Variants in ERN1 observed in about 807,000 individuals in gnomAD.
ERN1 encodes endoplasmic reticulum to nucleus signaling 1.
Under a neutral mutation model 113.1 loss-of-function variants are expected in ERN1, and 39 were observed. That is an observed-to-expected ratio of 0.34 (90% CI 0.27 to 0.45). The LOEUF (loss-of-function observed/expected upper bound fraction) is 0.45. Among genes scored for constraint, ERN1 ranks in the 20% least tolerant of loss-of-function variants. The pLI is 1.00. For missense variants in ERN1, 976 were observed against 1,274.8 expected (o/e 0.77, Z 3.57); for synonymous variants, 507 against 515.9 (o/e 0.98, Z 0.23).
rs773725515 is a variant in ERN1 at position 64,098,149 on chromosome 17, T to C, written c.147A>G (p.Thr49=). The change falls in exon 2 of 22, where the codon ACA becomes ACG. Residue 49 remains threonine, a synonymous_variant. Transcript: ENST00000433197. ...DGSLHAVSKR[T]GSIKWTLKED... is the part of the protein sequence containing the mutation. ...CTTTTAAAGTCCATTTGATTGAGCC[T>C]GTCCTCTTGCTGACAGCATGCAAAC... 1.2e-6 allele frequency: 2 copies of C among 1,614,038 alleles called. No individual in the cohort carries two copies. Among genetic ancestry groups the C allele is most frequent in the South Asian group, 2.2e-5 (2 of 91,082 alleles).
At chr17:64,115,409 G>A (rs1914778242) in intron 1 of ERN1, among the ~76,000 whole-genome samples, 1 of 152,166 alleles carries the variant, frequency 6.6e-6, no homozygotes, top group Non-Finnish European at 1.5e-5. Context: ...CCCAAGGCCT[G>A]TAAAACTCCT....
chr17:64,079,757 C>A, intron 3 of ERN1, 23 bp from the exon 4 acceptor site: 2 of 1,594,004 alleles, frequency 1.3e-6, no homozygotes, highest in Non-Finnish European at 1.7e-6. Flanking sequence ...TAATAAATAT[C>A]AAAGATAAAT....
intron 17 of ERN1, 73 bp downstream of exon 17, chr17:64,052,707 T>C: frequency 7.1e-7 from 1 of 1,412,868 alleles, no homozygotes; most frequent in Non-Finnish European, 9.6e-7. Flanking sequence ...AAACCTGGAA[T>C]TTAAAGGTTC....
chr17:64,121,065 C>T (rs1470913010), intron 1 of ERN1, among the ~76,000 whole-genome samples: 8 of 152,168 alleles, frequency 5.3e-5, no homozygotes, highest in Admixed American at 4.6e-4. Flanking sequence ...GACACACTCC[C>T]AGGGGCACCT....
chr17:64,043,985 C>A lies in ERN1; in HGVS notation c.*3G>T. On this transcript the variant is annotated 3_prime_UTR_variant, in exon 22 of 22. Coordinates refer to ENST00000433197, the MANE Select transcript of ERN1 (RefSeq NM_001433.5). ...GCCACCAGAACAGAGGGGCCGCCCTCGCTCAGAGGGCGTCTGGAGTCACTG... is the reference window on the plus strand; with the variant it reads ...GCCACCAGAACAGAGGGGCCGCCCTAGCTCAGAGGGCGTCTGGAGTCACTG... The A allele has an allele frequency of 6.2e-7, 1 of 1,602,408 alleles. No homozygotes were observed. The highest frequency in any genetic ancestry group is 2.2e-5 in the East Asian group (1 of 44,742).
chr17:64,071,899 C>T, intron 6 of ERN1, 82 bp downstream of exon 6: 1 of 1,494,302 alleles, frequency 6.7e-7, no homozygotes, highest in Non-Finnish European at 9.1e-7. Flanking sequence ...GCTCTGGCCA[C>T]CTTCTAGGGA....
At chr17:64,052,172 A>G (rs1015688887) in intron 17 of ERN1, among the ~76,000 whole-genome samples, 1 of 152,338 alleles carries the variant, frequency 6.6e-6, no homozygotes, top group South Asian at 2.1e-4. Flanking sequence ...TGGGCAAAAT[A>G]GCGAGATCGC....
rs758941450 is a variant in ERN1, at chr17:64,060,581, T to C, written c.1094A>G (p.His365Arg). Residue 365 changes from histidine (H) to arginine (R), a missense_variant, in exon 11 of 22, where the codon CAT becomes CGT. Physicochemically the swap from His to Arg is conservative, Grantham distance 29. Around this residue, in one of 5 missense-constraint regions of ERN1, gnomAD observed 459 missense variants for 581.2 expected, o/e 0.79. Coordinates refer to ENST00000433197, the MANE Select transcript of ERN1 (RefSeq NM_001433.5). ...GGTAGACGCAGACAGTGGGGTTTCA[T>C]GGTGTCCTATGACAGGAAACAAAAC... ...LRNYWLLIGH[H>R]ETPLSASTKM... The C allele has an allele frequency of 6.2e-7, 1 of 1,609,538 alleles. No individual in the cohort carries two copies. The highest frequency in any genetic ancestry group is 8.5e-7 in the Non-Finnish European group (1 of 1,175,810).
rs764849592 is a variant in ERN1 at position 64,044,085 on chromosome 17, C to T, written c.2837G>A (p.Arg946Gln). The T allele has an allele frequency of 2.7e-5, 43 of 1,613,256 alleles. No homozygotes were observed. The highest frequency in any genetic ancestry group is 4.0e-5 in the African/African-American group (3 of 74,850). Residue 946 changes from arginine (R) to glutamine (Q), a missense_variant, in exon 22 of 22, where the codon CGG (arginine) becomes CAG (glutamine). Physicochemically the swap from Arg to Gln is conservative, Grantham distance 43. Around this residue, in one of 5 missense-constraint regions of ERN1, gnomAD observed 92 missense variants for 87.3 expected, o/e 1.05. Coordinates refer to ENST00000433197, the MANE Select transcript of ERN1 (RefSeq NM_001433.5). The surrounding 1 kb of genome is among the most constrained non-coding windows in gnomAD (Gnocchi z 4.1). Reference sequence around the variant, plus strand: ...CTCGTGGCTGCACAGCTCCATGGCCCGGTAGGTGTGTGCGAGGAGGTGGGG... The same window carrying T: ...CTCGTGGCTGCACAGCTCCATGGCCTGGTAGGTGTGTGCGAGGAGGTGGGG... ...RFPHLLAHTYRAMELCSHERL... is the reference protein window; with the variant it reads ...RFPHLLAHTYQAMELCSHERL...
At chr17:64,099,649 G>T (rs1914329554) in intron 1 of ERN1, among the ~76,000 whole-genome samples, 1 of 152,048 alleles carries the variant, frequency 6.6e-6, no homozygotes, top group Non-Finnish European at 1.5e-5. Flanking sequence ...GGTTATTTGT[G>T]CATGGGAGCC....
chr17:64,051,718 C>T (rs188082358), intron 17 of ERN1, among the ~76,000 whole-genome samples: 25 of 152,254 alleles, frequency 1.6e-4, no homozygotes, highest in Admixed American at 1.4e-3. Context: ...TCAAATGTAA[C>T]GCAAGACACC....
At chr17:64,087,410 T>C (rs1366300744) in intron 2 of ERN1, among the ~76,000 whole-genome samples, 3 of 152,182 alleles carry the variant, frequency 2.0e-5, no homozygotes, top group African/African-American at 7.2e-5. Context: ...CCCAAGGCCA[T>C]ACCCCCAGGA....
chr17:64,076,111 C>T (rs1182002110), intron 4 of ERN1, among the ~76,000 whole-genome samples: 2 of 152,226 alleles, frequency 1.3e-5, no homozygotes, highest in Admixed American at 6.5e-5. Context: ...GTTTCAACTG[C>T]ATTTCATCAT....
chr17:64,078,984 T>C (rs142185895), intron 4 of ERN1, among the ~76,000 whole-genome samples: 1 of 152,170 alleles, frequency 6.6e-6, no homozygotes, highest in East Asian at 1.9e-4. Flanking sequence ...CCAACCTGGG[T>C]GACAAAGTGA....
At chr17:64,091,736 T>A (rs1914093944) in intron 2 of ERN1, among the ~76,000 whole-genome samples, 1 of 151,462 alleles carries the variant, frequency 6.6e-6, no homozygotes, top group South Asian at 2.1e-4. Context: ...GGGCACCTGC[T>A]GGGCAGGGGA....
At chr17:64,125,472 A>G (rs1436305471) in intron 1 of ERN1, among the ~76,000 whole-genome samples, 1 of 152,130 alleles carries the variant, frequency 6.6e-6, no homozygotes, top group Non-Finnish European at 1.5e-5. Context: ...CTGGGCACAG[A>G]AGCTCAATGT....
intron 2 of ERN1, among the ~76,000 whole-genome samples, chr17:64,090,008 T>G (rs1189271882): frequency 6.6e-6 from 1 of 152,082 alleles, no homozygotes; most frequent in African/African-American, 2.4e-5. Flanking sequence ...TACATTCGAG[T>G]GGCCCAATTA....
At chr17:64,120,851 AC>A (rs1311616421) in intron 1 of ERN1, among the ~76,000 whole-genome samples, 2 of 151,604 alleles carry the variant, frequency 1.3e-5, no homozygotes, top group Non-Finnish European at 2.9e-5. Flanking sequence ...AATACCTCCC[AC>A]CCCCATCCAC....
Position 64,075,218 on chromosome 17 carries a change from C to A in ERN1, c.312G>T (p.Val104=), listed in dbSNP as rs75995183. Residue 104 remains valine, a synonymous_variant, in exon 5 of 22, where the codon GTG becomes GTT. Coordinates refer to ENST00000433197, the MANE Select transcript of ERN1 (RefSeq NM_001433.5). Reference sequence around the variant, plus strand: ...CTGAACTTCGGCATGGGGATGCCTGCACCAATTCTGGGATGGTAAAAGGAA... The same window carrying A: ...CTGAACTTCGGCATGGGGATGCCTGAACCAATTCTGGGATGGTAAAAGGAA... The part of the protein sequence containing the change: ...TKLPFTIPEL[V]QASPCRSSDG... 2.0e-6 allele frequency: 3 copies of A among 1,496,536 alleles called. No homozygotes were observed. The highest frequency in any genetic ancestry group is 2.7e-6 in the Non-Finnish European group (3 of 1,126,936). The allele number at this position is 1,496,536 out of a possible 1,614,324, so 92.7% of individuals were successfully genotyped here. A position where few individuals can be genotyped will look rare whatever the true frequency, so the allele number is the denominator to read the frequency against.
Sources: allele counts gnomAD v4.1 joint callset (sites outside exome capture counted in the v4.1 genomes callset), GRCh38; gene constraint gnomAD v4.1.1; regional missense constraint gnomAD v4.1.1; non-coding constraint Gnocchi (gnomAD v3.1); transcripts MANE v1.5; gene names NCBI Gene and HGNC (gene_info 2026-07-23, HGNC 2026-07-21).